Variants in PCSK9 observed in about 807,000 individuals in gnomAD.
PCSK9 encodes proprotein convertase subtilisin/kexin type 9.
In PCSK9, 57 loss-of-function variants were observed where a neutral mutation model predicts 62.1. That is an observed-to-expected ratio of 0.92 (90% CI 0.74 to 1.14). The LOEUF is 1.14. Ranked by LOEUF, PCSK9 falls within the 50% of genes most tolerant of loss-of-function variation. The pLI, the probability that PCSK9 is intolerant of heterozygous loss-of-function variation, is 0.00. For synonymous variants in PCSK9, 387 were observed against 409.4 expected (o/e 0.95, Z 0.66); for missense variants, 870 against 959.8 (o/e 0.91, Z 1.24).
At chr1:55,051,085 C>T (rs930269598) in intron 3 of PCSK9, 13 of 453,716 alleles carry the variant, frequency 2.9e-5, no homozygotes, top group Non-Finnish European at 4.9e-5. Context: ...CCAGAGCCTT[C>T]GCTGCTGAGT....
At position 55,039,772 on chromosome 1, in the gene PCSK9, G is replaced by C; in HGVS notation, c.-66G>C. The C allele has an allele frequency of 6.5e-7, 1 of 1,545,232 alleles. No homozygotes were observed. Among genetic ancestry groups the C allele is most frequent in the Non-Finnish European group, 8.8e-7 (1 of 1,138,472 alleles). On this transcript the variant is annotated 5_prime_UTR_variant, in exon 1 of 12. Coordinates refer to ENST00000302118, the MANE Select transcript of PCSK9 (RefSeq NM_174936.4). The stretch of plus-strand genomic sequence containing the variant: ...TCCCCACCGCAAGGCTCAAGGCGCC[G>C]CCGGCGTGGACCGCGCACGGCCTCT...
chr1:55,043,686 A>T (rs1644613228), intron 1 of PCSK9, among the ~76,000 whole-genome samples, 157 bp from the exon 2 acceptor site: 1 of 152,144 alleles, frequency 6.6e-6, no homozygotes, highest in Non-Finnish European at 1.5e-5. Flanking sequence ...TGAGTTCTTT[A>T]ATTTGCTTTT....
At position 55,052,342 on chromosome 1, in the gene PCSK9, C is replaced by A. The variant is rs762910129; in HGVS notation, c.588C>A (p.Ile196=). 3 of 1,613,832 alleles carry A rather than the reference C, an allele frequency of 1.9e-6. No individual in the cohort carries two copies. The African/African-American group carries it at 4.0e-5, about 22-fold the overall frequency. The change falls in exon 4 of 12, where the codon ATC becomes ATA. Residue 196 remains isoleucine (I), a synonymous_variant. Transcript: ENST00000302118. ...DTSIQSDHRE[I]EGRVMVTDFE... ...GCATACAGAGTGACCACCGGGAAAT[C>A]GAGGGCAGGGTCATGGTCACCGACT...
intron 5 of PCSK9, among the ~76,000 whole-genome samples, chr1:55,053,134 T>C (rs1442454812): frequency 3.3e-5 from 5 of 152,042 alleles, no homozygotes; most frequent in Admixed American, 1.3e-4. Flanking sequence ...GGACTCGAGG[T>C]GATCTAAGCA....
Position 55,039,885 on chromosome 1 carries a change from G to A in PCSK9, c.48G>A (p.Leu16=). The change falls in exon 1 of 12, where the codon CTG becomes CTA. Residue 16 remains leucine (L), a synonymous_variant. Transcript: ENST00000302118. ...SRRSWWPLPL[L]LLLLLLLGPA... ...GGTCCTGGTGGCCGCTGCCACTGCT[G>A]CTGCTGCTGCTGCTGCTCCTGGGTC... The A allele has an allele frequency of 6.4e-7, 1 of 1,557,992 alleles. No individual in the cohort carries two copies.
intron 5 of PCSK9, 30 bp downstream of exon 5, chr1:55,052,821 C>T (rs1452070509): frequency 6.2e-7 from 1 of 1,612,708 alleles, no homozygotes. Flanking sequence ...GCTGGTCTCT[C>T]TCCATCTGGA....
chr1:55,052,178 T>G, intron 3 of PCSK9, 100 bp from the exon 4 acceptor site: 1 of 1,529,730 alleles, frequency 6.5e-7, no homozygotes, highest in Middle Eastern at 1.7e-4. Flanking sequence ...TTAAGGCGCT[T>G]TCACCAGTGC....
At chr1:55,046,332 T>C (rs1023072807) in intron 2 of PCSK9, among the ~76,000 whole-genome samples, 191 bp from the exon 3 acceptor site, 2 of 152,140 alleles carry the variant, frequency 1.3e-5, no homozygotes, top group Non-Finnish European at 2.9e-5. Flanking sequence ...AGTGCTGGGC[T>C]CCCAGCCTGA....
rs1410324162 is a variant in PCSK9 at position 55,063,466 on chromosome 1, G to T, written c.1961G>T (p.Cys654Phe). 1 of 1,614,164 alleles carries T rather than the reference G, an allele frequency of 6.2e-7. No individual in the cohort carries two copies. Among genetic ancestry groups the T allele is most frequent in the Admixed American group, 1.7e-5 (1 of 60,030 alleles). ...VLGAYAVDNT[C>F]VVRSRDVSTT... ...GGGGCCTACGCCGTAGACAACACGT[G>T]TGTAGTCAGGAGCCGGGACGTCAGC... The change falls in exon 12 of 12, where the codon TGT becomes TTT. Residue 654 changes from cysteine (C) to phenylalanine (F), a missense_variant. Transcript: ENST00000302118.
At position 55,063,509 on chromosome 1, in the gene PCSK9, C is replaced by A. The variant is rs762298323; in HGVS notation, c.2004C>A (p.Ser668Arg). ...ACGTCAGCACTACAGGCAGCACCAGCGAAGGGGCCGTGACAGCCGTTGCCA... is the reference window on the plus strand; with the variant it reads ...ACGTCAGCACTACAGGCAGCACCAGAGAAGGGGCCGTGACAGCCGTTGCCA... Reference protein sequence around the residue: ...SRDVSTTGSTSEGAVTAVAIC... With the variant: ...SRDVSTTGSTREGAVTAVAIC... Residue 668 changes from serine to arginine, a missense_variant, in exon 12 of 12, where the codon AGC (serine) becomes AGA (arginine). Ser to Arg is a moderately radical substitution (Grantham distance 110). Coordinates refer to ENST00000302118, the MANE Select transcript of PCSK9 (RefSeq NM_174936.4). 1.5e-5 allele frequency: 24 copies of A among 1,613,812 alleles called. 1 individual carries two copies. The East Asian group carries it at 5.3e-4, about 36-fold the overall frequency.
In PCSK9 at chr1:55,058,690, T is replaced by C. The variant is rs778365092; in HGVS notation, c.1503+43T>C. ...TCGTGTGTGTGTGTGTGTGTGTGTG[T>C]GTGTGTGTGTGTGTGTGTGTGTGTG... On this transcript the variant is annotated intron_variant, in intron 9 of 11. Coordinates refer to ENST00000302118, the MANE Select transcript of PCSK9 (RefSeq NM_174936.4). 399 of 1,534,164 alleles carry C rather than the reference T, an allele frequency of 2.6e-4. No homozygotes were observed. The African/African-American group carries it at 4.9e-3, about 19-fold the overall frequency.
At position 55,058,175 on chromosome 1, in the gene PCSK9, G is replaced by T; in HGVS notation, c.1320G>T (p.Leu440=). The change falls in exon 8 of 12, where the codon CTG becomes CTT. Residue 440 remains leucine, a synonymous_variant. Transcript: ENST00000302118. ...PEDQRVLTPN[L]VAALPPSTHG... is the part of the protein sequence containing the mutation. ...ACCAGCGGGTACTGACCCCCAACCT[G>T]GTGGCCGCCCTGCCCCCCAGCACCC... is the stretch of plus-strand genomic sequence containing the variant. 10 of 1,613,396 alleles carry T rather than the reference G, an allele frequency of 6.2e-6. No individual in the cohort carries two copies. The highest frequency in any genetic ancestry group is 1.1e-5 in the South Asian group (1 of 91,078).
chr1:55,052,601 A>G (rs1483707593), intron 4 of PCSK9, 49 bp from the exon 5 acceptor site: 1 of 1,609,768 alleles, frequency 6.2e-7, no homozygotes, highest in African/African-American at 1.3e-5. Context: ...GATTTGTTAT[A>G]GGGTGGAGGG....
At position 55,039,697 on chromosome 1, in the gene PCSK9, G is replaced by A; in HGVS notation, c.-141G>A. On this transcript the variant is annotated 5_prime_UTR_variant, in exon 1 of 12. Coordinates refer to ENST00000302118, the MANE Select transcript of PCSK9 (RefSeq NM_174936.4). ...GCTCCCAGCTCCCAGCCAGGATTCC[G>A]CGCGCCCCTTCACGCGCCCTGCTCC... is the stretch of plus-strand genomic sequence containing the variant. 1.0e-6 allele frequency: 1 copy of A among 1,002,098 alleles called. No homozygotes were observed. Among genetic ancestry groups the A allele is most frequent in the Non-Finnish European group, 1.5e-6 (1 of 683,380 alleles). 62.1% of individuals were successfully genotyped at this position (1,002,098 alleles called of 1,614,324 possible).
intron 7 of PCSK9, among the ~76,000 whole-genome samples, chr1:55,057,735 G>A (rs1644726111): frequency 6.6e-6 from 1 of 152,194 alleles, no homozygotes; most frequent in Non-Finnish European, 1.5e-5. Flanking sequence ...GGAGGCACCT[G>A]CCCAGCCCGA....
chr1:55,063,258 G>C, intron 11 of PCSK9, 111 bp from the exon 12 acceptor site: 1 of 1,184,028 alleles, frequency 8.4e-7, no homozygotes, highest in African/African-American at 1.5e-5. Context: ...GAGCCAGCGA[G>C]GGCCGTCTGC....
intron 3 of PCSK9, among the ~76,000 whole-genome samples, chr1:55,047,827 C>T (rs1644645111): frequency 1.3e-5 from 2 of 152,196 alleles, no homozygotes; most frequent in Admixed American, 6.5e-5. Context: ...AGGGAGAGGA[C>T]AGCTCCTCTG....
chr1:55,061,379 C>T lies in PCSK9; in HGVS notation c.1686C>T (p.Cys562=), dbSNP rs762083133. The part of the protein sequence containing the change: ...CHQQGHVLTG[C]SSHWEVEDLG... ...GCTGGCTTTCCTCTGCCCCAGGCTG[C>T]AGCTCCCACTGGGAGGTGGAGGACC... Residue 562 remains cysteine, a synonymous_variant, in exon 11 of 12, where the codon TGC becomes TGT. Transcript: ENST00000302118. 8.1e-6 allele frequency: 13 copies of T among 1,606,640 alleles called. No homozygotes were observed. Among genetic ancestry groups the T allele is most frequent in the Admixed American group, 1.7e-5 (1 of 59,446 alleles).
At chr1:55,053,348 C>CAGAGA (rs1234759237) in intron 5 of PCSK9, among the ~76,000 whole-genome samples, 11 of 152,168 alleles carry the variant, frequency 7.2e-5, no homozygotes, top group Non-Finnish European at 1.3e-4. Flanking sequence ...GGCCGGTGGA[C>CAGAGA]AGAGAAGAGG....
Sources: allele counts gnomAD v4.1 joint callset (sites outside exome capture counted in the v4.1 genomes callset), GRCh38; gene constraint gnomAD v4.1.1; transcripts MANE v1.5; gene names NCBI Gene and HGNC (gene_info 2026-07-23, HGNC 2026-07-21).